GBF1: variants seen among roughly 807,000 people sequenced by gnomAD.
GBF1 encodes Golgi-specific brefeldin A-resistance guanine nucleotide exchange factor 1.
A neutral mutation model predicts 210.5 loss-of-function variants in GBF1; 114 were observed. That is an observed-to-expected ratio of 0.54 (90% CI 0.47 to 0.63). The LOEUF (loss-of-function observed/expected upper bound fraction) is 0.63, where lower values mean the gene tolerates loss of function less well. Ranked by LOEUF, GBF1 falls within the 30% of genes least tolerant of loss-of-function variation. GBF1 has a pLI of 0.00. For missense variants in GBF1, 1,851 were observed against 2,357.7 expected, an observed-to-expected ratio of 0.79 and a Z score of 4.45; for synonymous variants, 850 against 889.2, an observed-to-expected ratio of 0.96 and a Z score of 0.78.
At position 102,376,190 on chromosome 10, in the gene GBF1, C is replaced by T. The variant is rs920808650; in HGVS notation, c.3887-82C>T. The stretch of plus-strand genomic sequence containing the variant: ...GAGAGGGGAGGCCAGGCCTCAGCAT[C>T]TTTTTTCTGAGAGCCTGATTTATCC... On this transcript the variant is annotated intron_variant, in intron 30 of 39. Coordinates refer to ENST00000369983, the MANE Select transcript of GBF1 (RefSeq NM_001377137.1). 8.9e-6 allele frequency: 10 copies of T among 1,119,056 alleles called. No individual in the cohort carries two copies. The East Asian group carries it at 1.7e-4, about 19-fold the overall frequency. 69.3% of individuals were successfully genotyped at this position (1,119,056 alleles called of 1,614,324 possible). A position where few individuals can be genotyped will look rare whatever the true frequency, so the allele number is the denominator to read the frequency against.
Position 102,377,135 on chromosome 10 carries a change from C to G in GBF1, c.4489C>G (p.Gln1497Glu), listed in dbSNP as rs369030545. 1.9e-6 allele frequency: 3 copies of G among 1,612,362 alleles called. No individual in the cohort carries two copies. Among genetic ancestry groups the G allele is most frequent in the African/African-American group, 2.7e-5 (2 of 74,838 alleles). Residue 1497 changes from glutamine (Q) to glutamate (E), a missense_variant, in exon 33 of 40, where the codon CAG (glutamine) becomes GAG (glutamate). By Grantham distance (29) the Gln-to-Glu change is conservative. This residue lies in a region of GBF1 where 967 missense variants were observed against 1,247.7 expected (regional missense o/e 0.78). Coordinates refer to ENST00000369983, the MANE Select transcript of GBF1 (RefSeq NM_001377137.1). The part of the protein sequence containing the change: ...SYHTVSLQVS[Q>E]DLLDLMHTLH... Reference sequence around the variant, plus strand: ...CCATACGGTGTCTTTACAGGTCAGTCAGGACGTAAGTATGGCACCCTTTAC... The same window carrying G: ...CCATACGGTGTCTTTACAGGTCAGTGAGGACGTAAGTATGGCACCCTTTAC...
At chr10:102,288,546 C>T (rs1296118827) in intron 3 of GBF1, among the ~76,000 whole-genome samples, 6 of 150,748 alleles carry the variant, frequency 4.0e-5, no homozygotes, top group Non-Finnish European at 7.4e-5. Context: ...CCCGTCTCTA[C>T]TAAAAATACA....
At chr10:102,345,646 CAAAAA>C (rs59037566) in intron 4 of GBF1, among the ~76,000 whole-genome samples, 39 of 17,968 alleles carry the variant, frequency 2.2e-3, no homozygotes, top group African/African-American at 4.2e-3. Flanking sequence ...GACTCCGTCT[CAAAAA>C]AAAAAAAAAA....
chr10:102,236,460 C>T, the GBF1 span, among the ~76,000 whole-genome samples: 1 of 152,180 alleles, frequency 6.6e-6, no homozygotes, highest in Non-Finnish European at 1.5e-5. Context: ...GGCCCAGTCC[C>T]ACTGGTATCA....
At chr10:102,231,590 G>T in the GBF1 span, 4 of 1,592,212 alleles carry the variant, frequency 2.5e-6, no homozygotes, top group Middle Eastern at 1.8e-4. Flanking sequence ...GAGCATACCC[G>T]CACGCGGGCC....
intron 3 of GBF1, among the ~76,000 whole-genome samples, chr10:102,323,676 G>A (rs1192336528): frequency 6.6e-6 from 1 of 151,674 alleles, no homozygotes; most frequent in Admixed American, 6.6e-5. Context: ...TAAGAGCTGG[G>A]ATTACAGGCG....
At chr10:102,280,384 A>G (rs1054290345) in intron 3 of GBF1, among the ~76,000 whole-genome samples, 8 of 152,090 alleles carry the variant, frequency 5.3e-5, no homozygotes, top group African/African-American at 1.9e-4. Flanking sequence ...GGTGAATGAA[A>G]TTGTCCCATC....
intron 13 of GBF1, 139 bp from the exon 14 acceptor site, chr10:102,361,579 G>T: frequency 5.1e-6 from 3 of 584,720 alleles, no homozygotes; most frequent in Non-Finnish European, 9.0e-6. Context: ...TTAGGGGATG[G>T]AATACCTTTG....
intron 3 of GBF1, among the ~76,000 whole-genome samples, chr10:102,311,213 G>C (rs536273930): frequency 2.4e-4 from 36 of 152,230 alleles, no homozygotes; most frequent in Non-Finnish European, 4.8e-4. Context: ...AGTTTAAGCA[G>C]ATTGCTGTGG....
intron 3 of GBF1, among the ~76,000 whole-genome samples, chr10:102,336,285 G>A (rs545673937): frequency 2.1e-5 from 3 of 141,988 alleles, no homozygotes; most frequent in Non-Finnish European, 3.0e-5. Flanking sequence ...TGGTGACAGA[G>A]CGAGACTTTG....
chr10:102,350,515 A>G (rs1378475209), intron 4 of GBF1, among the ~76,000 whole-genome samples: 1 of 152,144 alleles, frequency 6.6e-6, no homozygotes, highest in Non-Finnish European at 1.5e-5. Flanking sequence ...AGATGAAAGG[A>G]GAAAAGGCCA....
intron 3 of GBF1, among the ~76,000 whole-genome samples, chr10:102,307,984 T>C (rs1162316071): frequency 7.3e-5 from 11 of 151,466 alleles, no homozygotes; most frequent in Admixed American, 7.2e-4. Context: ...ATAGCAAAAA[T>C]GAAAAAGATA....
In GBF1 at chr10:102,380,346, G is replaced by A; in HGVS notation, c.4976G>A (p.Gly1659Asp). ...LDFMDKYMHA[G>D]SSDLLSEAIP... ...TTCATGGACAAGTACATGCACGCAG[G>A]CTCCAGCGACTTACTGGTATGTTCT... Residue 1659 changes from glycine (G) to aspartate (D), a missense_variant, in exon 37 of 40, where the codon GGC (glycine) becomes GAC (aspartate). This residue lies in a region of GBF1 where 967 missense variants were observed against 1,247.7 expected (regional missense o/e 0.78). Transcript: ENST00000369983. 1 of 1,612,840 alleles carries A rather than the reference G, an allele frequency of 6.2e-7. No homozygotes were observed. The highest frequency in any genetic ancestry group is 8.5e-7 in the Non-Finnish European group (1 of 1,178,942).
At chr10:102,292,648 A>C (rs1022379174) in intron 3 of GBF1, among the ~76,000 whole-genome samples, 7 of 152,210 alleles carry the variant, frequency 4.6e-5, no homozygotes, top group Non-Finnish European at 1.0e-4. Context: ...GATTGCAGGC[A>C]TGAGCCACTA....
At chr10:102,335,766 G>A (rs895199081) in intron 3 of GBF1, among the ~76,000 whole-genome samples, 1 of 152,146 alleles carries the variant, frequency 6.6e-6, no homozygotes, top group Non-Finnish European at 1.5e-5. Flanking sequence ...CATAGCACTT[G>A]GCATGGCGCA....
rs758757784 is a variant in GBF1 at position 102,351,848 on chromosome 10, A to G, written c.420A>G (p.Leu140=). The G allele has an allele frequency of 1.6e-5, 25 of 1,571,050 alleles. No homozygotes were observed. The highest frequency in any genetic ancestry group is 2.2e-5 in the South Asian group (2 of 90,190). The change falls in exon 6 of 40, where the codon CTA becomes CTG. Residue 140 remains leucine (L), a synonymous_variant. Coordinates refer to ENST00000369983, the MANE Select transcript of GBF1 (RefSeq NM_001377137.1). ...EVVLMKILQV[L]RTLLLTPVGA... Reference sequence around the variant, plus strand: ...TTCCTTTTTCTTCCTGATAGGTTCTACGGACTCTGCTGCTAACCCCAGTGG... The same window carrying G: ...TTCCTTTTTCTTCCTGATAGGTTCTGCGGACTCTGCTGCTAACCCCAGTGG...
chr10:102,370,173 G>A lies in GBF1; in HGVS notation c.3340-1G>A. ...CCCCCTCTCTCTTTTGCCCTCTCTA[G>A]CAATGTGACCCAGAAAAAATGATCA... is the stretch of plus-strand genomic sequence containing the variant. On this transcript the variant is annotated splice_acceptor_variant, in intron 26 of 39. Transcript: ENST00000369983. LOFTEE classifies it high-confidence loss of function. The A allele has an allele frequency of 6.2e-7, 1 of 1,609,428 alleles. No homozygotes were observed.
intron 13 of GBF1, 71 bp from the exon 14 acceptor site, chr10:102,361,647 C>A: frequency 9.6e-7 from 1 of 1,045,652 alleles, no homozygotes; most frequent in Non-Finnish European, 1.4e-6. Context: ...AATGTTTTTC[C>A]TGTCTAATTT....
At chr10:102,290,536 TC>T (rs2076348033) in intron 3 of GBF1, among the ~76,000 whole-genome samples, 1 of 152,230 alleles carries the variant, frequency 6.6e-6, no homozygotes, top group South Asian at 2.1e-4. Flanking sequence ...AGGGTCTCTG[TC>T]GCCCAGGCTG....
Sources: gnomAD v4.1 joint callset for allele counts (sites outside exome capture counted in the v4.1 genomes callset) on GRCh38, gnomAD v4.1.1 for gene constraint, gnomAD v4.1.1 regional missense constraint, MANE v1.5 for transcripts, NCBI Gene and HGNC (gene_info 2026-07-23, HGNC 2026-07-21) for gene names.